DOCK1: variants seen among roughly 807,000 people sequenced by gnomAD.
DOCK1 encodes the protein dedicator of cytokinesis protein 1.
In DOCK1, 138 loss-of-function variants were observed where a neutral mutation model predicts 262.7. The ratio of observed to expected loss-of-function variants is 0.53; its 90% CI spans 0.46 to 0.61. The LOEUF (loss-of-function observed/expected upper bound fraction) is 0.61, where lower values mean the gene tolerates loss of function less well. Among genes scored for constraint, DOCK1 ranks in the 20% least tolerant of loss-of-function variants. The pLI is 0.00. For synonymous variants in DOCK1, 866 were observed against 867.4 expected (o/e 1.00, Z 0.03); for missense variants, 1,908 against 2,370.7 (o/e 0.80, Z 4.05).
chr10:126,955,723 C>T (rs1565005300), intron 1 of DOCK1, among the ~76,000 whole-genome samples: 1 of 152,128 alleles, frequency 6.6e-6, no homozygotes, highest in East Asian at 1.9e-4. Flanking sequence ...AGTGCCTTAC[C>T]TAGAATCTGT....
intron 23 of DOCK1, among the ~76,000 whole-genome samples, chr10:127,105,367 A>G (rs1164377457): frequency 6.6e-6 from 1 of 152,244 alleles, no homozygotes; most frequent in Non-Finnish European, 1.5e-5. Flanking sequence ...GACAGGATCT[A>G]TCATTAATAT....
intron 47 of DOCK1, among the ~76,000 whole-genome samples, chr10:127,429,157 C>T (rs1308786654): frequency 2.6e-5 from 4 of 151,988 alleles, no homozygotes; most frequent in South Asian, 4.1e-4. Flanking sequence ...GAGGCAGCAC[C>T]GTCTCCATCA....
intron 1 of DOCK1, among the ~76,000 whole-genome samples, chr10:126,934,838 C>T (rs36160547): frequency 2.0e-5 from 3 of 149,788 alleles, no homozygotes; most frequent in Non-Finnish European, 2.9e-5. Context: ...AAAACTAGGC[C>T]GGGTGCGGTG....
chr10:127,111,607 T>C (rs1003147690), intron 25 of DOCK1, among the ~76,000 whole-genome samples: 1 of 152,082 alleles, frequency 6.6e-6, no homozygotes, highest in African/African-American at 2.4e-5. Flanking sequence ...ATGATAGAGG[T>C]GATGGCCAGG....
intron 1 of DOCK1, among the ~76,000 whole-genome samples, chr10:126,961,489 G>A (rs908431729): frequency 8.4e-5 from 12 of 142,158 alleles, no homozygotes; most frequent in Admixed American, 3.6e-4. Flanking sequence ...TCACTCCTTC[G>A]TCCTCCCAGC....
Position 126,996,876 on chromosome 10 carries a change from A to C in DOCK1, c.602A>C (p.Glu201Ala). 1 of 1,595,018 alleles carries C rather than the reference A, an allele frequency of 6.3e-7. No individual in the cohort carries two copies. The highest frequency in any genetic ancestry group is 8.5e-7 in the Non-Finnish European group (1 of 1,173,420). Residue 201 changes from glutamate to alanine, a missense_variant, in exon 7 of 52, where the codon GAG becomes GCG. By Grantham distance (107) the Glu-to-Ala change is moderately radical. This residue lies in a region of DOCK1 where 227 missense variants were observed against 254.1 expected (regional missense o/e 0.89). Coordinates refer to ENST00000623213, the MANE Select transcript of DOCK1 (RefSeq NM_001290223.2). ...ASKQVEERLQ[E>A]EKSQKQNIDI... ...AAACAAGTGGAGGAAAGGTTACAAGAGGAAAAAGTAAGTTTGACTCTGTCA... is the reference window on the plus strand; with the variant it reads ...AAACAAGTGGAGGAAAGGTTACAAGCGGAAAAAGTAAGTTTGACTCTGTCA...
intron 27 of DOCK1, among the ~76,000 whole-genome samples, chr10:127,189,852 G>A (rs988767608): frequency 1.3e-5 from 2 of 152,164 alleles, no homozygotes; most frequent in South Asian, 2.1e-4. Context: ...TTTATGCAGC[G>A]CTGTCATTGA....
chr10:127,114,978 A>G (rs2049093218), intron 25 of DOCK1, among the ~76,000 whole-genome samples: 1 of 151,856 alleles, frequency 6.6e-6, no homozygotes, highest in African/African-American at 2.4e-5. Context: ...GATGGTCTTG[A>G]TCTCTTGACC....
intron 27 of DOCK1, among the ~76,000 whole-genome samples, chr10:127,151,562 TG>T (rs2052485114): frequency 6.6e-6 from 1 of 152,106 alleles, no homozygotes; most frequent in Non-Finnish European, 1.5e-5. Context: ...TATAAGGGGG[TG>T]ACAGTCGGGT....
chr10:127,392,124 C>G (rs975263300), intron 38 of DOCK1, among the ~76,000 whole-genome samples: 4 of 151,840 alleles, frequency 2.6e-5, no homozygotes, highest in African/African-American at 9.7e-5. Context: ...GCTGCTGTCT[C>G]GTGTGACGGC....
chr10:127,099,188 T>G (rs1592018893), intron 23 of DOCK1, among the ~76,000 whole-genome samples: 1 of 152,014 alleles, frequency 6.6e-6, no homozygotes, highest in African/African-American at 2.4e-5. Context: ...TTCTTGAAAA[T>G]AAAGAGGTCA....
intron 31 of DOCK1, among the ~76,000 whole-genome samples, chr10:127,349,692 G>A (rs1458581103): frequency 6.6e-6 from 1 of 152,198 alleles, no homozygotes; most frequent in Non-Finnish European, 1.5e-5. Context: ...AAATCAAGGT[G>A]TGGGCAGTGT....
intron 15 of DOCK1, chr10:127,025,040 C>T: frequency 3.0e-6 from 1 of 338,390 alleles, no homozygotes; most frequent in Non-Finnish European, 5.5e-6. Context: ...TAGCTATTGT[C>T]TTTCTCTTCC....
At chr10:127,208,376 A>G (rs2057817242) in intron 27 of DOCK1, among the ~76,000 whole-genome samples, 1 of 152,200 alleles carries the variant, frequency 6.6e-6, no homozygotes, top group Non-Finnish European at 1.5e-5. Context: ...TTGATTTAGT[A>G]TTTCATGCAA....
At chr10:127,058,153 G>A (rs143147708) in intron 22 of DOCK1, among the ~76,000 whole-genome samples, 1 of 151,408 alleles carries the variant, frequency 6.6e-6, no homozygotes, top group East Asian at 1.9e-4. Context: ...ATGTTGGTTG[G>A]CACAAGAGAA....
At chr10:127,229,349 G>A (rs1459347634) in intron 27 of DOCK1, among the ~76,000 whole-genome samples, 1 of 152,170 alleles carries the variant, frequency 6.6e-6, no homozygotes, top group Non-Finnish European at 1.5e-5. Context: ...TATTCTGCCT[G>A]TCTAAATGAA....
At chr10:127,010,003 C>T (rs1174011962) in intron 11 of DOCK1, among the ~76,000 whole-genome samples, 5 of 152,166 alleles carry the variant, frequency 3.3e-5, no homozygotes, top group Admixed American at 1.3e-4. Context: ...TTGCTATCTT[C>T]TTGACGTAAG....
At chr10:127,433,527 G>T in intron 48 of DOCK1, 99 bp downstream of exon 48, 2 of 1,413,516 alleles carry the variant, frequency 1.4e-6, no homozygotes, top group Non-Finnish European at 9.4e-7. Flanking sequence ...TACAACTGAG[G>T]ATTTTGTGTT....
chr10:127,270,153 G>C (rs1039111958), intron 29 of DOCK1, among the ~76,000 whole-genome samples: 3 of 152,150 alleles, frequency 2.0e-5, no homozygotes, highest in Non-Finnish European at 2.9e-5. Context: ...TCTGAAATCA[G>C]TGTCCATCTC....
Sources: gnomAD v4.1 joint callset for allele counts (sites outside exome capture counted in the v4.1 genomes callset) on GRCh38, gnomAD v4.1.1 for gene constraint, gnomAD v4.1.1 regional missense constraint, MANE v1.5 for transcripts, NCBI Gene and HGNC (gene_info 2026-07-23, HGNC 2026-07-21) for gene names.